VWA8: variants seen among roughly 807,000 people sequenced by gnomAD.
VWA8 encodes von Willebrand factor A domain containing 8.
In VWA8, 221 loss-of-function variants were observed where a neutral mutation model predicts 241.5. That is an observed-to-expected ratio of 0.91 (90% CI 0.82 to 1.02). The LOEUF is 1.02. VWA8 is among the 50% of genes least tolerant of loss of function. The probability of loss-of-function intolerance (pLI) is 0.00; values close to 1 mark genes in which losing one functional copy is unlikely to be tolerated. For synonymous variants in VWA8, 852 were observed against 827.1 expected (o/e 1.03, Z -0.52); for missense variants, 2,322 against 2,328.7 (o/e 1.00, Z 0.06).
chr13:41,698,945 T>C (rs1173803282), intron 29 of VWA8, 126 bp downstream of exon 29: 3 of 1,304,536 alleles, frequency 2.3e-6, no homozygotes, highest in East Asian at 2.4e-5. Flanking sequence ...ATGCAACTCC[T>C]GACCCATCCC....
intron 10 of VWA8, among the ~76,000 whole-genome samples, chr13:41,867,231 T>C (rs1464583806): frequency 1.3e-5 from 2 of 152,208 alleles, no homozygotes; most frequent in Non-Finnish European, 2.9e-5. Context: ...TGAAAAATCC[T>C]ATATTATTCT....
chr13:41,688,493 T>C (rs772578736), intron 34 of VWA8, among the ~76,000 whole-genome samples: 1 of 152,058 alleles, frequency 6.6e-6, no homozygotes, highest in Non-Finnish European at 1.5e-5. Flanking sequence ...TGTCGCCCAG[T>C]TTCACCTACA....
intron 37 of VWA8, among the ~76,000 whole-genome samples, chr13:41,656,044 A>G (rs1211161983): frequency 1.3e-5 from 2 of 152,204 alleles, no homozygotes; most frequent in Non-Finnish European, 2.9e-5. Flanking sequence ...GGGAGTCATA[A>G]TTACAATAAT....
chr13:41,589,635 G>A (rs2044441770), intron 41 of VWA8, among the ~76,000 whole-genome samples: 1 of 152,206 alleles, frequency 6.6e-6, no homozygotes, highest in Non-Finnish European at 1.5e-5. Flanking sequence ...TTCTTCAACT[G>A]TCTAAAGTTC....
intron 22 of VWA8, among the ~76,000 whole-genome samples, chr13:41,730,803 T>C (rs1338174850): frequency 6.6e-6 from 1 of 151,958 alleles, no homozygotes; most frequent in Non-Finnish European, 1.5e-5. Context: ...ATGGTATATT[T>C]TAAGAAAACA....
In VWA8 at chr13:41,891,493, A is replaced by G. The variant is rs1250275250; in HGVS notation, c.578T>C (p.Leu193Pro). Residue 193 changes from leucine (L) to proline (P), a missense_variant, in exon 5 of 45, where the codon CTG becomes CCG. Leu to Pro is a moderately conservative substitution (Grantham distance 98). Coordinates refer to ENST00000379310, the MANE Select transcript of VWA8 (RefSeq NM_015058.2). ...RNVLPVLNNL[L>P]ENREMQLEDG... ...TTCAAGCTGCATCTCTCTGTTTTCC[A>G]GCAAGTTGTTCAAAACAGGCAAAAC... is the stretch of plus-strand genomic sequence containing the variant. 6.2e-7 allele frequency: 1 copy of G among 1,614,250 alleles called. No homozygotes were observed.
At position 41,590,756 on chromosome 13, in the gene VWA8, T is replaced by A. The variant is rs2044449346; in HGVS notation, c.4996A>T (p.Lys1666Ter). 1.9e-6 allele frequency: 3 copies of A among 1,614,054 alleles called. No homozygotes were observed. Among genetic ancestry groups the A allele is most frequent in the African/African-American group, 1.3e-5 (1 of 75,034 alleles). ...TGATGTCTTAGCCATTGTCTTTCTT[T>A]ACCTTTAGCCTACAAAAGACACACA... ...IILDNLQAKGKERQWLRHQAT... is the reference protein window; with the variant it reads ...IILDNLQAKG Residue 1666 changes from lysine (K) to a stop codon, truncating the protein, a stop_gained, in exon 41 of 45, where the codon AAA becomes TAA. Coordinates refer to ENST00000379310, the MANE Select transcript of VWA8 (RefSeq NM_015058.2). LOFTEE classifies it high-confidence loss of function.
chr13:41,830,587 C>T lies in VWA8; in HGVS notation c.1642G>A (p.Asp548Asn), dbSNP rs1030672676. The stretch of plus-strand genomic sequence containing the variant: ...TCCTCCTTTAAACGCATATACCTGT[C>T]TTCTCTCAGCAGCCTAGAACCATCA... ...LYDGSRLLRE[D>N]RYMRLKEELQ... Residue 548 changes from aspartate (D) to asparagine (N), a missense_variant, in exon 14 of 45, where the codon GAC becomes AAC. Physicochemically the swap from Asp to Asn is conservative, Grantham distance 23 (BLOSUM62 1). Coordinates refer to ENST00000379310, the MANE Select transcript of VWA8 (RefSeq NM_015058.2). 7.4e-6 allele frequency: 12 copies of T among 1,613,918 alleles called. No individual in the cohort carries two copies. The highest frequency in any genetic ancestry group is 1.7e-5 in the Admixed American group (1 of 60,012).
At chr13:41,691,219 A>G in intron 32 of VWA8, 101 bp downstream of exon 32, 5 of 1,384,120 alleles carry the variant, frequency 3.6e-6, no homozygotes, top group East Asian at 5.0e-5. Flanking sequence ...AAATTGTTAA[A>G]GGACAGACAC....
intron 17 of VWA8, among the ~76,000 whole-genome samples, chr13:41,799,467 G>A (rs1204623298): frequency 6.6e-6 from 1 of 152,146 alleles, no homozygotes; most frequent in Non-Finnish European, 1.5e-5. Context: ...CCCACCCCAA[G>A]CTCCAGGGAG....
chr13:41,741,078 A>G (rs79649868), intron 21 of VWA8, among the ~76,000 whole-genome samples: 2,618 of 152,142 alleles, frequency 0.017, 34 homozygotes, highest in Middle Eastern at 0.054. Context: ...ACTTATCACT[A>G]TTTTACGTAC....
At chr13:41,835,156 GGAT>G (rs2138007261) in intron 12 of VWA8, among the ~76,000 whole-genome samples, 1 of 152,188 alleles carries the variant, frequency 6.6e-6, no homozygotes, top group African/African-American at 2.4e-5. Flanking sequence ...CTGGGTGATG[GGAT>G]GATCTATGCA....
At chr13:41,684,078 C>T (rs1400756469) in intron 35 of VWA8, among the ~76,000 whole-genome samples, 30 of 152,086 alleles carry the variant, frequency 2.0e-4, no homozygotes, top group Admixed American at 1.8e-3. Context: ...TTATATATCA[C>T]CTTGTGAATA....
chr13:41,724,588 G>A (rs1396452764), intron 24 of VWA8, among the ~76,000 whole-genome samples: 1 of 152,182 alleles, frequency 6.6e-6, no homozygotes, highest in Non-Finnish European at 1.5e-5. Flanking sequence ...ATCATAGGTG[G>A]AAGACTTGGT....
chr13:41,844,743 C>A (rs997709589), intron 12 of VWA8, among the ~76,000 whole-genome samples: 6 of 150,712 alleles, frequency 4.0e-5, no homozygotes, highest in African/African-American at 1.5e-4. Context: ...ATGTATACAC[C>A]AATACATTCA....
intron 37 of VWA8, among the ~76,000 whole-genome samples, chr13:41,638,402 A>G (rs1393878517): frequency 6.6e-6 from 1 of 152,230 alleles, no homozygotes; most frequent in East Asian, 1.9e-4. Context: ...ACGGAAGTGA[A>G]TGAAGTTGCC....
intron 36 of VWA8, among the ~76,000 whole-genome samples, chr13:41,673,889 A>C (rs2137801603): frequency 6.6e-6 from 1 of 152,332 alleles, no homozygotes; most frequent in African/African-American, 2.4e-5. Context: ...CGGAAAGTTA[A>C]AAGAGAAAAA....
At chr13:41,909,399 T>A (rs1387666044) in intron 3 of VWA8, among the ~76,000 whole-genome samples, 3 of 152,158 alleles carry the variant, frequency 2.0e-5, no homozygotes, top group Non-Finnish European at 4.4e-5. Flanking sequence ...AAACACCGAC[T>A]AGTGGCAAAG....
intron 36 of VWA8, among the ~76,000 whole-genome samples, chr13:41,674,136 A>G (rs2045044091): frequency 6.6e-6 from 1 of 152,200 alleles, no homozygotes; most frequent in Admixed American, 6.5e-5. Context: ...GAAGAAGTAT[A>G]TTTATTTCTT....
Sources: gnomAD v4.1 joint callset for allele counts (sites outside exome capture counted in the v4.1 genomes callset) on GRCh38, gnomAD v4.1.1 for gene constraint, MANE v1.5 for transcripts, NCBI Gene and HGNC (gene_info 2026-07-23, HGNC 2026-07-21) for gene names.